PCDHGA10: variants seen among roughly 807,000 people sequenced by gnomAD.
PCDHGA10 encodes protocadherin gamma subfamily A, 10, also known as protocadherin gamma-A10.
A neutral mutation model predicts 59.5 loss-of-function variants in PCDHGA10; 42 were observed. The observed-to-expected ratio is 0.71, with a 90% CI of 0.55 to 0.91. The LOEUF is 0.91. Among genes scored for constraint, PCDHGA10 ranks in the 40% least tolerant of loss-of-function variants. The pLI is 0.00. For missense variants in PCDHGA10, 1,111 were observed against 1,198.2 expected (o/e 0.93, Z 1.07); for synonymous variants, 511 against 517.2 (o/e 0.99, Z 0.16).
In PCDHGA10 at chr5:141,476,012, T is replaced by C. The variant is rs2099383969; in HGVS notation, c.2437-18795T>C. The stretch of plus-strand genomic sequence containing the variant: ...CAAATCAACGGCATCCAGAAAGCCA[T>C]GTCGGACTCGGCGCCCAGCGCCCAA... On this transcript the variant is annotated intron_variant, in intron 1 of 3. Coordinates refer to ENST00000398610, the MANE Select transcript of PCDHGA10 (RefSeq NM_018913.3). This position sits in a 1 kb window ranked among gnomAD's most constrained non-coding sequence, Gnocchi z 7.6. 7.6e-7 allele frequency: 1 copy of C among 1,317,178 alleles called. No individual in the cohort carries two copies. The highest frequency in any genetic ancestry group is 1.4e-5 in the South Asian group (1 of 69,696). The allele number at this position is 1,317,178 out of a possible 1,614,324, so 81.6% of individuals were successfully genotyped here. A position where few individuals can be genotyped will look rare whatever the true frequency, so the allele number is the denominator to read the frequency against.
In PCDHGA10 at chr5:141,432,510, C is replaced by A; in HGVS notation, c.2436+16899C>A. 1 of 1,614,140 alleles carries A rather than the reference C, an allele frequency of 6.2e-7. No homozygotes were observed. The highest frequency in any genetic ancestry group is 8.5e-7 in the Non-Finnish European group (1 of 1,180,042). On this transcript the variant is annotated intron_variant, in intron 1 of 3. Coordinates refer to ENST00000398610, the MANE Select transcript of PCDHGA10 (RefSeq NM_018913.3). The surrounding 1 kb of genome is among the most constrained non-coding windows in gnomAD (Gnocchi z 6.0). ...GAGCTGGCTCCCCGCTCCGCAGAGCCCGGCTACCTGGTGACCAAGGTGGTG... is the reference window on the plus strand; with the variant it reads ...GAGCTGGCTCCCCGCTCCGCAGAGCACGGCTACCTGGTGACCAAGGTGGTG...
At position 141,512,903 on chromosome 5, in the gene PCDHGA10, CAA is replaced by C. The variant is rs2099884494; in HGVS notation, c.*1731_*1732del. The C allele has an allele frequency of 6.6e-6, 1 of 152,224 alleles. No individual in the cohort carries two copies. Among genetic ancestry groups the C allele is most frequent in the African/African-American group, 2.4e-5 (1 of 41,452 alleles). 9.4% of individuals were successfully genotyped at this position (152,224 alleles called of 1,614,324 possible). On this transcript the variant is annotated 3_prime_UTR_variant, in exon 4 of 4. Transcript: ENST00000398610. ...CCCCACCCTCTTCCTGTGTCTCACG[CAA>C]GTTTTATACTCTAATATTTATATGG...
intron 1 of PCDHGA10, chr5:141,419,776 C>T (rs965350189): frequency 1.2e-6 from 2 of 1,614,026 alleles, no homozygotes; most frequent in Admixed American, 1.7e-5. Context: ...ACTCGGTCCG[C>T]CAGCGCCTGC....
chr5:141,413,192 A>G lies in PCDHGA10; in HGVS notation c.17A>G (p.Asn6Ser). The change falls in exon 1 of 4, where the codon AAT becomes AGT. Residue 6 changes from asparagine (N) to serine (S), a missense_variant. Transcript: ENST00000398610. MAAQRNRSKESKDCSG... is the reference protein window; with the variant it reads MAAQRSRSKESKDCSG... ...CAGACTACAATGGCCGCTCAAAGGA[A>G]TCGCTCAAAGGAATCAAAGGATTGC... The G allele has an allele frequency of 1.2e-6, 2 of 1,607,816 alleles. No homozygotes were observed. The highest frequency in any genetic ancestry group is 2.2e-5 in the South Asian group (2 of 90,682).
At chr5:141,458,308 A>G (rs1363472724) in intron 1 of PCDHGA10, among the ~76,000 whole-genome samples, 1 of 152,196 alleles carries the variant, frequency 6.6e-6, no homozygotes, top group Non-Finnish European at 1.5e-5. Context: ...AGATAAAATG[A>G]CACAGACACA....
chr5:141,494,937 G>C (rs759078748), intron 2 of PCDHGA10, 72 bp downstream of exon 2: 1 of 1,612,276 alleles, frequency 6.2e-7, no homozygotes, highest in African/African-American at 1.3e-5. Flanking sequence ...GAGGAGATGG[G>C]GGAGGGCCCA....
rs115568443 is a variant in PCDHGA10 at position 141,439,423 on chromosome 5, A to G, written c.2436+23812A>G. On this transcript the variant is annotated intron_variant, in intron 1 of 3. Coordinates refer to ENST00000398610, the MANE Select transcript of PCDHGA10 (RefSeq NM_018913.3). ...TGTGCTAACATCACTGAGGTTATAA[A>G]TTCCCAGGAATATTTTATTGCGGGA... 1.0e-2 allele frequency among the ~76,000 whole-genome samples: 1,522 copies of G among 152,306 alleles called. 34 individuals carry two copies. Among genetic ancestry groups the G allele is most frequent in the African/African-American group, 0.034 (1,425 of 41,558 alleles).
intron 1 of PCDHGA10, among the ~76,000 whole-genome samples, chr5:141,425,504 T>A (rs1049969153): frequency 2.6e-5 from 4 of 152,260 alleles, no homozygotes; most frequent in Non-Finnish European, 5.9e-5. Flanking sequence ...TACCTTTATA[T>A]TCTCTTTATG....
At chr5:141,483,100 G>A (rs1051736065) in intron 1 of PCDHGA10, among the ~76,000 whole-genome samples, 11 of 152,078 alleles carry the variant, frequency 7.2e-5, no homozygotes, top group South Asian at 2.1e-4. Flanking sequence ...AAAAGTGTGC[G>A]TGTAAAACAG....
intron 1 of PCDHGA10, among the ~76,000 whole-genome samples, chr5:141,445,441 C>G (rs1201825256): frequency 6.6e-6 from 1 of 152,152 alleles, no homozygotes; most frequent in East Asian, 1.9e-4. Context: ...GACCTATGGA[C>G]TAAGGATGCA....
chr5:141,489,150 T>C lies in PCDHGA10; in HGVS notation c.2437-5657T>C. The C allele has an allele frequency of 1.7e-5, 15 of 862,654 alleles. No individual in the cohort carries two copies. Among genetic ancestry groups the C allele is most frequent in the Middle Eastern group, 2.5e-4 (1 of 4,044 alleles). 53.4% of individuals were successfully genotyped at this position (862,654 alleles called of 1,614,324 possible). On this transcript the variant is annotated intron_variant, in intron 1 of 3. Transcript: ENST00000398610. The surrounding 1 kb of genome is among the most constrained non-coding windows in gnomAD (Gnocchi z 4.5). ...GTTTTTAAGAGGCTGGAAGGAGACA[T>C]AAGAGACTTCAGCTGCTGCATTCCA...
rs753051237 is a variant in PCDHGA10, at chr5:141,490,422, A to G, written c.2437-4385A>G. On this transcript the variant is annotated intron_variant, in intron 1 of 3. Coordinates refer to ENST00000398610, the MANE Select transcript of PCDHGA10 (RefSeq NM_018913.3). This position sits in a 1 kb window ranked among gnomAD's most constrained non-coding sequence, Gnocchi z 5.4. Reference sequence around the variant, plus strand: ...GCCTTGATATCTCTCCGGACCTGCCATTTCAGATTAAGCCTTCTGAGAACC... The same window carrying G: ...GCCTTGATATCTCTCCGGACCTGCCGTTTCAGATTAAGCCTTCTGAGAACC... 1 of 1,614,178 alleles carries G rather than the reference A, an allele frequency of 6.2e-7. No individual in the cohort carries two copies. The highest frequency in any genetic ancestry group is 1.7e-5 in the Admixed American group (1 of 60,030).
At chr5:141,482,790 G>A (rs2099572686) in intron 1 of PCDHGA10, among the ~76,000 whole-genome samples, 1 of 128,870 alleles carries the variant, frequency 7.8e-6, no homozygotes, top group African/African-American at 3.5e-5. Context: ...CTGTGTGTGT[G>A]GCCGGGTACG....
At chr5:141,434,535 A>G (rs939961995) in intron 1 of PCDHGA10, among the ~76,000 whole-genome samples, 1 of 152,230 alleles carries the variant, frequency 6.6e-6, no homozygotes, top group African/African-American at 2.4e-5. Flanking sequence ...ACCACAAACA[A>G]TAGCATGAGT....
At chr5:141,474,461 CTT>C (rs1264129273) in intron 1 of PCDHGA10, among the ~76,000 whole-genome samples, 1 of 152,214 alleles carries the variant, frequency 6.6e-6, no homozygotes, top group East Asian at 1.9e-4. Context: ...GGGCTATACT[CTT>C]TATTCTAAAT....
rs750804901 is a variant in PCDHGA10, at chr5:141,476,422, C to T, written c.2437-18385C>T. ...GAGAGGAGCTGTGTGGGACACTGCC[C>T]TCTTGCACTGTAACTCTGGAGTTGG... On this transcript the variant is annotated intron_variant, in intron 1 of 3. Transcript: ENST00000398610. The surrounding 1 kb of genome is among the most constrained non-coding windows in gnomAD (Gnocchi z 7.6). The T allele has an allele frequency of 1.7e-5, 28 of 1,614,026 alleles. No homozygotes were observed. Among genetic ancestry groups the T allele is most frequent in the East Asian group, 2.2e-5 (1 of 44,860 alleles).
chr5:141,420,238 T>C, intron 1 of PCDHGA10: 2 of 1,594,838 alleles, frequency 1.3e-6, no homozygotes, highest in South Asian at 1.1e-5. Context: ...GCATTTTAAC[T>C]CCCAGCGTTG....
chr5:141,421,834 CGA>C lies in PCDHGA10; in HGVS notation c.2436+6228_2436+6229del, dbSNP rs763631483. The C allele has an allele frequency of 2.1e-5, 34 of 1,613,630 alleles. No homozygotes were observed. The Admixed American group carries it at 5.5e-4, about 26-fold the overall frequency. ...GCTAGTACTGGAGGGAAGCCTGGAC[CGA>C]GAGAAAGAGGCTGCTCACCTGCTCC... On this transcript the variant is annotated intron_variant, in intron 1 of 3. Transcript: ENST00000398610.
intron 1 of PCDHGA10, among the ~76,000 whole-genome samples, chr5:141,444,735 C>G (rs924159168): frequency 6.6e-6 from 1 of 152,116 alleles, no homozygotes; most frequent in Admixed American, 6.5e-5. Flanking sequence ...TGTTGAAAGT[C>G]ATTTCACTGA....
Sources: gnomAD v4.1 joint callset for allele counts (sites outside exome capture counted in the v4.1 genomes callset) on GRCh38, gnomAD v4.1.1 for gene constraint, Gnocchi (gnomAD v3.1) non-coding constraint, MANE v1.5 for transcripts, NCBI Gene and HGNC (gene_info 2026-07-23, HGNC 2026-07-21) for gene names.